Variants in ABCA5 observed in about 807,000 individuals in gnomAD.
ABCA5 encodes the protein ATP binding cassette subfamily A member 5.
In ABCA5, 163 loss-of-function variants were observed where a neutral mutation model predicts 206.0. That is an observed-to-expected ratio of 0.79 (90% CI 0.70 to 0.90). The LOEUF (loss-of-function observed/expected upper bound fraction) is 0.90, where lower values mean the gene tolerates loss of function less well. Among genes scored for constraint, ABCA5 ranks in the 40% least tolerant of loss-of-function variants. The pLI is 0.00. For synonymous variants in ABCA5, 609 were observed against 613.8 expected (o/e 0.99, Z 0.11); for missense variants, 1,859 against 1,912.9 (o/e 0.97, Z 0.53).
chr17:69,295,822 G>GT (rs909433951), intron 10 of ABCA5, among the ~76,000 whole-genome samples: 17 of 152,008 alleles, frequency 1.1e-4, no homozygotes, highest in African/African-American at 4.1e-4. Context: ...TCATCTGCGA[G>GT]TTTTTTCAAA....
At chr17:69,250,044 C>T (rs2074994233) in intron 36 of ABCA5, 60 bp from the exon 37 acceptor site, 3 of 1,068,704 alleles carry the variant, frequency 2.8e-6, no homozygotes, top group Middle Eastern at 2.4e-4. Context: ...TGTTCTAAAG[C>T]TAAAGTTCAA....
intron 29 of ABCA5, 117 bp downstream of exon 29, chr17:69,256,040 A>T (rs1464793466): frequency 7.4e-7 from 1 of 1,356,820 alleles, no homozygotes; most frequent in Non-Finnish European, 9.9e-7. Context: ...TTTTTCCAAG[A>T]AAGATTTTTT....
chr17:69,308,150 C>T, intron 5 of ABCA5, 130 bp downstream of exon 5: 1 of 419,822 alleles, frequency 2.4e-6, no homozygotes, highest in South Asian at 8.4e-5. Flanking sequence ...TCTTTTTTCT[C>T]AAAGGAGTTG....
chr17:69,298,229 TAGGAAGGAAGGAAGGAAGGAAGGA>T (rs1190899981), intron 9 of ABCA5, among the ~76,000 whole-genome samples: 1 of 33,468 alleles, frequency 3.0e-5, no homozygotes, highest in African/African-American at 8.9e-5. Context: ...GGAAGGTAGG[TAGGAAGGAAGGAAGGAAGGAAGGA>T]AGGAAGGAAG....
At chr17:69,302,330 G>C (rs1395980580) in intron 8 of ABCA5, among the ~76,000 whole-genome samples, 1 of 152,082 alleles carries the variant, frequency 6.6e-6, no homozygotes, top group Non-Finnish European at 1.5e-5. Flanking sequence ...CGGTAAATTT[G>C]TTCTGCTCCA....
intron 17 of ABCA5, among the ~76,000 whole-genome samples, chr17:69,284,559 A>C (rs934117761): frequency 6.7e-6 from 1 of 150,212 alleles, no homozygotes; most frequent in African/African-American, 2.5e-5. Flanking sequence ...ATACTTATTC[A>C]TCTTTTAAAA....
In ABCA5 at chr17:69,297,259, A is replaced by G. The variant is rs754284408; in HGVS notation, c.1368T>C (p.Asn456=). The part of the protein sequence containing the change: ...NYEELSEGNV[N]GNISFSEIIE... ...TAATTTCACTAAAACTAATATTTCCATTAACATTGCCCTCTGATAACTCCT... is the reference window on the plus strand; with the variant it reads ...TAATTTCACTAAAACTAATATTTCCGTTAACATTGCCCTCTGATAACTCCT... The change falls in exon 10 of 39, where the codon AAT becomes AAC. Residue 456 remains asparagine, a synonymous_variant. Transcript: ENST00000392676. 37 of 1,612,752 alleles carry G rather than the reference A, an allele frequency of 2.3e-5. No individual in the cohort carries two copies. The highest frequency in any genetic ancestry group is 1.6e-4 in the East Asian group (7 of 44,706).
intron 11 of ABCA5, 106 bp downstream of exon 11, chr17:69,294,549 G>C (rs1458293015): frequency 4.9e-6 from 5 of 1,011,054 alleles, no homozygotes; most frequent in Non-Finnish European, 7.4e-6. Context: ...ATAAAAGCAA[G>C]ACAGAAAATC....
rs199888749 is a variant in ABCA5, at chr17:69,309,378, G to C, written c.353C>G (p.Ser118Cys). Reference sequence around the variant, plus strand: ...AAAGTTGCTCGGCTTAGAGAGACTGGATGTTAACATTTCTTTTTCATTTGT... The same window carrying C: ...AAAGTTGCTCGGCTTAGAGAGACTGCATGTTAACATTTCTTTTTCATTTGT... Reference protein sequence around the residue: ...EYTNEKEMLTSSLSKPSNFVG... With the variant: ...EYTNEKEMLTCSLSKPSNFVG... The change falls in exon 4 of 39, where the codon TCC becomes TGC. Residue 118 changes from serine (S) to cysteine (C), a missense_variant. Physicochemically the swap from Ser to Cys is moderately radical, Grantham distance 112. Coordinates refer to ENST00000392676, the MANE Select transcript of ABCA5 (RefSeq NM_172232.4). The C allele has an allele frequency of 6.3e-7, 1 of 1,598,694 alleles. No homozygotes were observed. The highest frequency in any genetic ancestry group is 8.5e-7 in the Non-Finnish European group (1 of 1,174,858).
intron 23 of ABCA5, among the ~76,000 whole-genome samples, chr17:69,265,985 C>T (rs142697013): frequency 1.5e-4 from 23 of 152,242 alleles, no homozygotes; most frequent in Non-Finnish European, 1.5e-5. Flanking sequence ...CAAATGTCCA[C>T]AGCAACTTTA....
chr17:69,299,471 T>TACACACACACACACACACACAC (rs71144671), intron 9 of ABCA5, among the ~76,000 whole-genome samples: 23 of 142,484 alleles, frequency 1.6e-4, no homozygotes, highest in South Asian at 4.5e-4. Context: ...CACACACACA[T>TACACACACACACACACACACAC]ACACACACAC....
intron 10 of ABCA5, among the ~76,000 whole-genome samples, chr17:69,295,292 G>A (rs571643080): frequency 1.3e-5 from 2 of 152,080 alleles, no homozygotes; most frequent in Non-Finnish European, 2.9e-5. Flanking sequence ...ACCTTTCTCT[G>A]CTTCTTGAGA....
intron 28 of ABCA5, 84 bp from the exon 29 acceptor site, chr17:69,256,367 G>A (rs1171514280): frequency 1.2e-6 from 1 of 847,020 alleles, no homozygotes; most frequent in Non-Finnish European, 1.6e-6. Flanking sequence ...GTAGAGAAAA[G>A]ACTGAAAAAA....
intron 20 of ABCA5, among the ~76,000 whole-genome samples, chr17:69,272,398 A>G (rs1291403283): frequency 6.6e-6 from 1 of 152,186 alleles, no homozygotes; most frequent in African/African-American, 2.4e-5. Context: ...TGCATAAGCA[A>G]GCAACTCTAA....
At chr17:69,293,886 T>TGTGTGTGTGTGTGTG (rs1567771944) in intron 11 of ABCA5, among the ~76,000 whole-genome samples, 2 of 64,824 alleles carry the variant, frequency 3.1e-5, no homozygotes, top group African/African-American at 1.1e-4. Context: ...GTGTGTGTGT[T>TGTGTGTGTGTGTGTG]TGTGTGTGTG....
Position 69,284,009 on chromosome 17 carries a change from G to A in ABCA5, c.2336C>T (p.Thr779Met), listed in dbSNP as rs199749819. The change falls in exon 18 of 39, where the codon ACG becomes ATG. Residue 779 changes from threonine to methionine, a missense_variant. Transcript: ENST00000392676. ...CTTTAAAAATACGTCTTCCAAAGTC[G>A]TCATGGAAACACCATAAGAAATGAC... ...LGVISYGVSM[T>M]TLEDVFLKLE... is the part of the protein sequence containing the mutation. 50 of 1,606,438 alleles carry A rather than the reference G, an allele frequency of 3.1e-5. No individual in the cohort carries two copies. The Admixed American group carries it at 3.2e-4, about 10-fold the overall frequency.
At chr17:69,302,939 G>T in intron 7 of ABCA5, 33 bp from the exon 8 acceptor site, 1 of 1,234,864 alleles carries the variant, frequency 8.1e-7, no homozygotes, top group Non-Finnish European at 1.1e-6. Context: ...TTAGTGCAAT[G>T]TTCATATATA....
Position 69,247,051 on chromosome 17 carries a change from T to A in ABCA5, c.*486A>T, listed in dbSNP as rs1045014586. The stretch of plus-strand genomic sequence containing the variant: ...GTGCTTACACTTCAGCTTTTACGGA[T>A]GACAACTTCCATTCAAAGTGGCTTT... On this transcript the variant is annotated 3_prime_UTR_variant, in exon 39 of 39. Coordinates refer to ENST00000392676, the MANE Select transcript of ABCA5 (RefSeq NM_172232.4). 2.6e-5 allele frequency: 4 copies of A among 152,346 alleles called. No individual in the cohort carries two copies. In the South Asian group the frequency reaches 8.3e-4, roughly 32 times the overall value. 9.4% of individuals were successfully genotyped at this position (152,346 alleles called of 1,614,324 possible).
chr17:69,299,696 G>T (rs1031021130), intron 9 of ABCA5, among the ~76,000 whole-genome samples: 4 of 152,054 alleles, frequency 2.6e-5, no homozygotes, highest in Admixed American at 1.3e-4. Flanking sequence ...TGGGGGCTCA[G>T]GGAAAAGGTG....
Sources: gnomAD v4.1 joint callset for allele counts (sites outside exome capture counted in the v4.1 genomes callset) on GRCh38, gnomAD v4.1.1 for gene constraint, MANE v1.5 for transcripts, NCBI Gene and HGNC (gene_info 2026-07-23, HGNC 2026-07-21) for gene names.